The following EFHC2 variants were observed in gnomAD, a reference collection of about 807,000 sequenced individuals.
EFHC2 encodes the protein EF-hand domain containing 2, also known as EF-hand domain-containing family member C2.
A neutral mutation model predicts 52.7 loss-of-function variants in EFHC2; 18 were observed. The ratio of observed to expected loss-of-function variants is 0.34; its 90% CI spans 0.24 to 0.51. The LOEUF is 0.51. Among genes scored for constraint, EFHC2 ranks in the 20% least tolerant of loss-of-function variants. EFHC2 has a pLI of 0.97. For synonymous variants in EFHC2, 203 were observed against 204.1 expected (o/e 0.99, Z 0.04); for missense variants, 513 against 562.5 (o/e 0.91, Z 0.89).
chrX:44,300,228 C>A (rs1047042305), intron 2 of EFHC2, among the ~76,000 whole-genome samples: 6 of 111,450 alleles, frequency 5.4e-5, no homozygotes, highest in Non-Finnish European at 9.4e-5. Flanking sequence ...CAAATAGTGA[C>A]TATCAGTTTC....
intron 1 of EFHC2, among the ~76,000 whole-genome samples, chrX:44,342,792 C>T (rs1186270837): frequency 9.9e-6 from 1 of 100,611 alleles, no homozygotes; most frequent in Admixed American, 1.1e-4. Context: ...AGGAGAATCG[C>T]TTGAACCTGG....
intron 7 of EFHC2, among the ~76,000 whole-genome samples, chrX:44,246,884 C>T: frequency 8.9e-6 from 1 of 112,015 alleles, no homozygotes; most frequent in Non-Finnish European, 1.9e-5. Flanking sequence ...GTGTAAGTTA[C>T]GGTTTTTGGT....
At chrX:44,192,278 T>C (rs2036927551) in intron 11 of EFHC2, among the ~76,000 whole-genome samples, 1 of 112,126 alleles carries the variant, frequency 8.9e-6, no homozygotes, top group Non-Finnish European at 1.9e-5. Context: ...AAAACATTTC[T>C]ATTGTTCCAT....
intron 11 of EFHC2, among the ~76,000 whole-genome samples, chrX:44,206,398 TA>T (rs2037049094): frequency 9.0e-6 from 1 of 111,270 alleles, no homozygotes; most frequent in Non-Finnish European, 1.9e-5. Flanking sequence ...GGCATCCAAA[TA>T]GGGAAAAAGG....
At chrX:44,262,531 A>G (rs543322202) in intron 3 of EFHC2, among the ~76,000 whole-genome samples, 11 of 93,676 alleles carry the variant, frequency 1.2e-4, no homozygotes, top group South Asian at 4.8e-4. Context: ...AAAAAAAAAA[A>G]AAAAGAAAAG....
intron 3 of EFHC2, 91 bp downstream of exon 3, chrX:44,272,595 A>G: frequency 1.1e-6 from 1 of 926,650 alleles, no homozygotes; most frequent in Admixed American, 3.5e-5. Context: ...CCTAAACAGT[A>G]GCATGCAGTC....
intron 1 of EFHC2, among the ~76,000 whole-genome samples, chrX:44,315,738 T>C (rs2037979026): frequency 9.1e-6 from 1 of 110,334 alleles, no homozygotes; most frequent in African/African-American, 3.3e-5. Flanking sequence ...ATGAATTAGA[T>C]AGGAGAGGAG....
chrX:44,148,857 G>A lies in EFHC2; in HGVS notation c.2188C>T (p.Pro730Ser). The A allele has an allele frequency of 8.4e-7, 1 of 1,185,569 alleles. No individual in the cohort carries two copies. Among genetic ancestry groups the A allele is most frequent in the Non-Finnish European group, 1.1e-6 (1 of 881,539 alleles). Residue 730 changes from proline to serine, a missense_variant, in exon 15 of 15, where the codon CCT (proline) becomes TCT (serine). Physicochemically the swap from Pro to Ser is moderately conservative, Grantham distance 74 (BLOSUM62 -1). Transcript: ENST00000420999. Reference sequence around the variant, plus strand: ...GTCCAGTAGTCAATGTATTTCGCAGGAATAGGTGATGGCATACCAAGCCAA... The same window carrying A: ...GTCCAGTAGTCAATGTATTTCGCAGAAATAGGTGATGGCATACCAAGCCAA... ...DVWLGMPSPI[P>S]AKYIDYWTFL...
chrX:44,266,138 G>A (rs2037575423), intron 3 of EFHC2, among the ~76,000 whole-genome samples: 1 of 110,756 alleles, frequency 9.0e-6, no homozygotes, highest in Non-Finnish European at 1.9e-5. Context: ...TGACTATTCT[G>A]CCTTTCTCTT....
At chrX:44,209,811 C>A (rs1363196973) in intron 11 of EFHC2, among the ~76,000 whole-genome samples, 1 of 109,014 alleles carries the variant, frequency 9.2e-6, no homozygotes, top group East Asian at 2.9e-4. Context: ...CGGAGCTCTG[C>A]CTCCTATCAG....
At chrX:44,306,178 A>G (rs1348584185) in intron 2 of EFHC2, among the ~76,000 whole-genome samples, 1 of 111,233 alleles carries the variant, frequency 9.0e-6, no homozygotes, top group Non-Finnish European at 1.9e-5. Context: ...AACCCGACCC[A>G]GCCCCCAGCT....
chrX:44,176,234 G>T lies in EFHC2; in HGVS notation c.2042+58C>A, dbSNP rs560465146. The T allele has an allele frequency of 3.2e-6, 3 of 931,187 alleles. No homozygotes were observed. The African/African-American group carries it at 5.9e-5, about 18-fold the overall frequency. The allele number at this position is 931,187 out of a possible 1,213,427, so 76.7% of individuals were successfully genotyped here. On this transcript the variant is annotated intron_variant, in intron 13 of 14. Transcript: ENST00000420999. ...TAAAGGGAGATGTAAAACCAGGAAT[G>T]GTCCCCCAAATAAAACTATGCAGGA...
At chrX:44,314,077 G>A (rs1455962419) in intron 1 of EFHC2, among the ~76,000 whole-genome samples, 5 of 111,749 alleles carry the variant, frequency 4.5e-5, no homozygotes, top group East Asian at 2.8e-4. Flanking sequence ...CGAAAAATAC[G>A]GTAATATTTA....
At chrX:44,266,915 C>T (rs1411630058) in intron 3 of EFHC2, among the ~76,000 whole-genome samples, 1 of 111,233 alleles carries the variant, frequency 9.0e-6, no homozygotes, top group Non-Finnish European at 1.9e-5. Flanking sequence ...ATGAGAAATA[C>T]TACCTTATTA....
Position 44,148,825 on chromosome X carries a change from CA to C in EFHC2, c.2219del (p.Leu740Ter). ...PAKYIDYWTF[L>X]KDAFGLEEE ...CCTCCTCTAAGCCAAACGCGTCCTT[CA>C]AAAAGGTCCAGTAGTCAATGTATTT... On this transcript the variant is annotated frameshift_variant, in exon 15 of 15. Coordinates refer to ENST00000420999, the MANE Select transcript of EFHC2 (RefSeq NM_025184.4). LOFTEE classifies it high-confidence loss of function. 8.4e-7 allele frequency: 1 copy of C among 1,185,827 alleles called. No individual in the cohort carries two copies. The highest frequency in any genetic ancestry group is 2.4e-5 in the Admixed American group (1 of 42,328).
chrX:44,221,095 T>C (rs1212510551), intron 11 of EFHC2, among the ~76,000 whole-genome samples: 1 of 112,229 alleles, frequency 8.9e-6, no homozygotes, highest in Non-Finnish European at 1.9e-5. Flanking sequence ...GTTTAAAGAC[T>C]ATTTGTATTT....
intron 8 of EFHC2, among the ~76,000 whole-genome samples, chrX:44,240,277 C>G (rs1349705384): frequency 9.0e-6 from 1 of 111,557 alleles, no homozygotes; most frequent in Admixed American, 9.5e-5. Context: ...ATTCCTGGCA[C>G]AGATTGAGCA....
Position 44,180,394 on chromosome X carries a change from C to T in EFHC2, c.1752-1830G>A, listed in dbSNP as rs559834622. Among the ~76,000 whole-genome samples the T allele has an allele frequency of 5.3e-5, 6 of 112,282 alleles. No homozygotes were observed. The South Asian group carries it at 1.9e-3, about 35-fold the overall frequency. Reference sequence around the variant, plus strand: ...CCCCTGGCTCCTCTACAACGCTGATCAAGAAACAGTCATGCCATGTGTGTA... The same window carrying T: ...CCCCTGGCTCCTCTACAACGCTGATTAAGAAACAGTCATGCCATGTGTGTA... On this transcript the variant is annotated intron_variant, in intron 11 of 14. Transcript: ENST00000420999.
At chrX:44,304,506 C>CA (rs776124780) in intron 2 of EFHC2, among the ~76,000 whole-genome samples, 52 of 111,505 alleles carry the variant, frequency 4.7e-4, no homozygotes, top group South Asian at 7.7e-4. Flanking sequence ...TGAGGACAAC[C>CA]GTCTATATTT....
Sources: allele counts gnomAD v4.1 joint callset (sites outside exome capture counted in the v4.1 genomes callset), GRCh38; gene constraint gnomAD v4.1.1; transcripts MANE v1.5; gene names NCBI Gene and HGNC (gene_info 2026-07-23, HGNC 2026-07-21).